STARD13: variants seen among roughly 807,000 people sequenced by gnomAD.
The protein encoded by STARD13 is StAR related lipid transfer domain containing 13.
In STARD13, 62 loss-of-function variants were observed where a neutral mutation model predicts 106.4. The ratio of observed to expected loss-of-function variants is 0.58; its 90% CI spans 0.48 to 0.72. The LOEUF is 0.72. Ranked by LOEUF, STARD13 falls within the 30% of genes least tolerant of loss-of-function variation. STARD13 has a pLI of 0.00. For missense variants in STARD13, 1,387 were observed against 1,424.0 expected, an observed-to-expected ratio of 0.97 and a Z score of 0.42; for synonymous variants, 565 against 553.0, an observed-to-expected ratio of 1.02 and a Z score of -0.31.
At chr13:33,225,479 A>G (rs80245552) in intron 1 of STARD13, among the ~76,000 whole-genome samples, 6,740 of 152,316 alleles carry the variant, frequency 0.044, 197 homozygotes, top group African/African-American at 0.07. Flanking sequence ...GTAAAGTAAG[A>G]GTAAATAAAC....
At chr13:33,269,883 A>C (rs924359187) in intron 1 of STARD13, among the ~76,000 whole-genome samples, 1 of 152,226 alleles carries the variant, frequency 6.6e-6, no homozygotes, top group Non-Finnish European at 1.5e-5. Context: ...TATATAAAAA[A>C]TATTTAAAGT....
At chr13:33,499,743 CTCT>C in the STARD13 span, among the ~76,000 whole-genome samples, 9 of 139,444 alleles carry the variant, frequency 6.5e-5, no homozygotes, top group Non-Finnish European at 1.1e-4. Context: ...CTCCCTCTCC[CTCT>C]TCTTCTTCTT....
At chr13:33,169,078 T>A (rs1243695479) in intron 1 of STARD13, among the ~76,000 whole-genome samples, 3 of 152,196 alleles carry the variant, frequency 2.0e-5, no homozygotes, top group African/African-American at 7.2e-5. Flanking sequence ...TCCACTTAAG[T>A]GTGACCAGCA....
the STARD13 span, among the ~76,000 whole-genome samples, chr13:33,451,143 G>A: frequency 1.3e-5 from 2 of 152,142 alleles, no homozygotes; most frequent in African/African-American, 2.4e-5. Flanking sequence ...ATCTCCTAAA[G>A]TGCTGAAATT....
intron 1 of STARD13, among the ~76,000 whole-genome samples, chr13:33,252,182 T>G (rs1443848024): frequency 6.6e-6 from 1 of 152,224 alleles, no homozygotes; most frequent in Non-Finnish European, 1.5e-5. Flanking sequence ...TGTGAGCAGC[T>G]TTTACAGCTC....
the STARD13 span, among the ~76,000 whole-genome samples, chr13:33,597,493 A>G: frequency 6.6e-6 from 1 of 151,980 alleles, no homozygotes; most frequent in Admixed American, 6.6e-5. Context: ...TCATTTCATC[A>G]TACAACCTTT....
intron 1 of STARD13, among the ~76,000 whole-genome samples, chr13:33,341,798 CT>C (rs1190235963): frequency 1.6e-3 from 237 of 144,708 alleles, no homozygotes; most frequent in Admixed American, 1.5e-3. Flanking sequence ...CAAATGCAAA[CT>C]TTTTTTTTTT....
intron 1 of STARD13, among the ~76,000 whole-genome samples, chr13:33,339,253 T>TGTAGCTTTGACTCCAGTAGCTGTTCTTA (rs1566147866): frequency 1.3e-5 from 2 of 152,212 alleles, no homozygotes; most frequent in African/African-American, 2.4e-5. Flanking sequence ...TTCAAACTCA[T>TGTAGCTTTGACTCCAGTAGCTGTTCTTA]GTAGCTTTGA....
intron 1 of STARD13, among the ~76,000 whole-genome samples, chr13:33,255,105 C>A (rs74045746): frequency 7.8e-4 from 110 of 141,226 alleles, no homozygotes; most frequent in African/African-American, 2.6e-3. Context: ...TGCTCCCCCC[C>A]CCCTCAGAGG....
chr13:33,483,824 G>T, the STARD13 span, among the ~76,000 whole-genome samples: 1 of 152,122 alleles, frequency 6.6e-6, no homozygotes, highest in Middle Eastern at 3.2e-3. Flanking sequence ...TCTGTGATTG[G>T]CTTTCTGTGC....
At chr13:33,596,936 A>G in the STARD13 span, among the ~76,000 whole-genome samples, 1 of 152,300 alleles carries the variant, frequency 6.6e-6, no homozygotes, top group South Asian at 2.1e-4. Context: ...CTATTCATCC[A>G]TTGATGAACA....
chr13:33,334,332 C>A (rs941917962), intron 1 of STARD13, among the ~76,000 whole-genome samples: 1 of 152,108 alleles, frequency 6.6e-6, no homozygotes. Flanking sequence ...AGACAAGGAC[C>A]AGATTGAAAT....
chr13:33,556,832 A>G, the STARD13 span, among the ~76,000 whole-genome samples: 1 of 151,986 alleles, frequency 6.6e-6, no homozygotes, highest in Non-Finnish European at 1.5e-5. Flanking sequence ...CAGTGGTGTG[A>G]TCTTGGCTTC....
chr13:33,524,319 A>C, the STARD13 span: 36 of 1,245,066 alleles, frequency 2.9e-5, no homozygotes, highest in East Asian at 2.9e-4. Context: ...TAGTTCTACA[A>C]ATTCCTTTCT....
chr13:33,257,413 T>G (rs1488696115), intron 1 of STARD13, among the ~76,000 whole-genome samples: 1 of 152,218 alleles, frequency 6.6e-6, no homozygotes, highest in Non-Finnish European at 1.5e-5. Flanking sequence ...CCACATGTAC[T>G]GAATGCCAAG....
At chr13:33,443,514 C>T in the STARD13 span, among the ~76,000 whole-genome samples, 5 of 151,844 alleles carry the variant, frequency 3.3e-5, no homozygotes, top group East Asian at 5.8e-4. Flanking sequence ...ATTGAACCTC[C>T]TGCTGCTTCC....
chr13:33,481,716 G>A, the STARD13 span, among the ~76,000 whole-genome samples: 2 of 152,172 alleles, frequency 1.3e-5, no homozygotes, highest in Non-Finnish European at 2.9e-5. Context: ...TAATTTTTAT[G>A]TGTGGACTTT....
intron 7 of STARD13, among the ~76,000 whole-genome samples, chr13:33,118,709 A>T (rs1261675472): frequency 6.6e-6 from 1 of 152,086 alleles, no homozygotes; most frequent in African/African-American, 2.4e-5. Context: ...GGTCAATGGG[A>T]GGTTTGGTGA....
chr13:33,392,377 C>G, the STARD13 span, among the ~76,000 whole-genome samples: 1 of 152,042 alleles, frequency 6.6e-6, no homozygotes, highest in Non-Finnish European at 1.5e-5. Flanking sequence ...ATATTTGATC[C>G]GATGAGGTGG....
Sources: allele counts gnomAD v4.1 joint callset (sites outside exome capture counted in the v4.1 genomes callset), GRCh38; gene constraint gnomAD v4.1.1; transcripts MANE v1.5; gene names NCBI Gene and HGNC (gene_info 2026-07-23, HGNC 2026-07-21).